Variants in EDA observed in about 807,000 individuals in gnomAD.
The protein encoded by EDA is ectodysplasin-A.
A neutral mutation model predicts 23.6 loss-of-function variants in EDA; 2 were observed. The ratio of observed to expected loss-of-function variants is 0.08; its 90% CI spans 0.03 to 0.27. The LOEUF is 0.27. Ranked by LOEUF, EDA falls within the 10% of genes least tolerant of loss-of-function variation. The pLI, the probability that EDA is intolerant of heterozygous loss-of-function variation, is 1.00. For missense variants in EDA, 229 were observed against 324.2 expected (o/e 0.71, Z 2.26); for synonymous variants, 131 against 132.0 (o/e 0.99, Z 0.05).
intron 1 of EDA, among the ~76,000 whole-genome samples, chrX:69,886,474 C>T (rs1289098320): frequency 9.0e-6 from 1 of 111,224 alleles, no homozygotes; most frequent in African/African-American, 3.3e-5. Context: ...GCTTGTAGGC[C>T]CTAAAACAGC....
chrX:69,963,405 G>A (rs932721705), intron 2 of EDA, among the ~76,000 whole-genome samples: 2 of 111,373 alleles, frequency 1.8e-5, no homozygotes, highest in African/African-American at 6.5e-5. Flanking sequence ...AGAGTTTCAG[G>A]GGCTTGTTCA....
chrX:69,649,253 A>G (rs1197880801), intron 1 of EDA, among the ~76,000 whole-genome samples: 2 of 112,156 alleles, frequency 1.8e-5, no homozygotes. Context: ...TAGCTAATGC[A>G]TATTAGGTAG....
intron 2 of EDA, among the ~76,000 whole-genome samples, chrX:69,998,949 TG>T (rs2019700487): frequency 9.0e-6 from 1 of 111,317 alleles, no homozygotes; most frequent in African/African-American, 3.3e-5. Flanking sequence ...TTATCAACAG[TG>T]TAAAAACAGA....
intron 1 of EDA, among the ~76,000 whole-genome samples, chrX:69,786,096 A>G (rs1484686422): frequency 9.2e-6 from 1 of 109,057 alleles, no homozygotes; most frequent in Non-Finnish European, 1.9e-5. Flanking sequence ...TGTTTATAGT[A>G]TTCTCTGATG....
At chrX:69,654,911 A>G (rs1933251481) in intron 1 of EDA, among the ~76,000 whole-genome samples, 1 of 109,586 alleles carries the variant, frequency 9.1e-6, no homozygotes, top group African/African-American at 3.3e-5. Context: ...ACAAACCTGC[A>G]CATTGTGCAC....
At chrX:69,634,289 T>C (rs1286972851) in intron 1 of EDA, among the ~76,000 whole-genome samples, 1 of 111,556 alleles carries the variant, frequency 9.0e-6, no homozygotes, top group African/African-American at 3.3e-5. Flanking sequence ...AAATATTTTC[T>C]CCCATTCTAT....
At chrX:69,922,267 T>C (rs920901538) in intron 1 of EDA, among the ~76,000 whole-genome samples, 1 of 112,197 alleles carries the variant, frequency 8.9e-6, no homozygotes, top group Non-Finnish European at 1.9e-5. Context: ...CTATAAACAT[T>C]TGTGTGCAGA....
In EDA at chrX:70,038,532, T is replaced by C. The variant is rs960595797; in HGVS notation, c.*2923T>C. The C allele has an allele frequency of 9.0e-6, 1 of 110,863 alleles. No individual in the cohort carries two copies. Among genetic ancestry groups the C allele is most frequent in the African/African-American group, 3.3e-5 (1 of 30,348 alleles). The allele number at this position is 110,863 out of a possible 1,213,427, so 9.1% of individuals were successfully genotyped here. ...GAAGGAGAATGGCATGGCAGGAGTC[T>C]CTGCCAGTTACTTGGGCTTCAACAG... On this transcript the variant is annotated 3_prime_UTR_variant, in exon 8 of 8. Transcript: ENST00000374552.
At chrX:69,711,238 C>T (rs1360642601) in intron 1 of EDA, among the ~76,000 whole-genome samples, 1 of 111,222 alleles carries the variant, frequency 9.0e-6, no homozygotes, top group East Asian at 2.8e-4. Flanking sequence ...TTTTCTGCAT[C>T]CATTGAGATA....
intron 1 of EDA, among the ~76,000 whole-genome samples, chrX:69,724,765 C>T (rs1425403320): frequency 4.5e-5 from 5 of 112,063 alleles, no homozygotes; most frequent in Admixed American, 3.8e-4. Flanking sequence ...TATTCAGTCA[C>T]GCAAGTAACT....
intron 1 of EDA, among the ~76,000 whole-genome samples, chrX:69,644,820 T>G (rs1228493526): frequency 9.0e-6 from 1 of 111,577 alleles, no homozygotes; most frequent in Non-Finnish European, 1.9e-5. Context: ...GATTTTAACG[T>G]GAAGGGATGT....
chrX:69,847,034 T>C (rs1050921510), intron 1 of EDA, among the ~76,000 whole-genome samples: 1 of 111,819 alleles, frequency 8.9e-6, no homozygotes, highest in African/African-American at 3.3e-5. Flanking sequence ...ATTGGGTACT[T>C]TTTGACCAGT....
At chrX:70,003,802 G>A (rs1387976375) in intron 2 of EDA, among the ~76,000 whole-genome samples, 2 of 112,112 alleles carry the variant, frequency 1.8e-5, no homozygotes, top group African/African-American at 3.2e-5. Flanking sequence ...CTTCAATGAA[G>A]AAATCTGTTT....
At chrX:69,812,266 T>G (rs1405386856) in intron 1 of EDA, among the ~76,000 whole-genome samples, 1 of 112,353 alleles carries the variant, frequency 8.9e-6, no homozygotes, top group Non-Finnish European at 1.9e-5. Context: ...TCTTCCACTA[T>G]GTAATTCTAT....
At chrX:69,672,395 G>T (rs966306794) in intron 1 of EDA, 1 of 112,082 alleles carries the variant, frequency 8.9e-6, no homozygotes, top group Non-Finnish European at 1.9e-5. Flanking sequence ...TAAGAGGCAA[G>T]GTCATTTTCT....
intron 1 of EDA, among the ~76,000 whole-genome samples, chrX:69,761,954 T>G (rs1225853501): frequency 2.7e-5 from 3 of 111,311 alleles, no homozygotes; most frequent in Non-Finnish European, 5.7e-5. Context: ...CTAACCCTTA[T>G]TTATGTTTTT....
intron 1 of EDA, among the ~76,000 whole-genome samples, chrX:69,618,072 G>T (rs376397427): frequency 1.8e-5 from 2 of 111,710 alleles, no homozygotes; most frequent in Non-Finnish European, 3.8e-5. Context: ...GTAGCTAAAC[G>T]ATAATTAACT....
At chrX:69,929,706 TTGTGTGTGTGTGTGTGTG>T (rs4007701) in intron 1 of EDA, among the ~76,000 whole-genome samples, 2 of 84,331 alleles carry the variant, frequency 2.4e-5, no homozygotes, top group African/African-American at 4.5e-5. Flanking sequence ...CATTCTATTT[TTGTGTGTGTGTGTGTGTG>T]TGTGTGTGTG....
At chrX:69,799,483 C>T (rs908970641) in intron 1 of EDA, among the ~76,000 whole-genome samples, 2 of 110,350 alleles carry the variant, frequency 1.8e-5, no homozygotes, top group Non-Finnish European at 3.8e-5. Context: ...AACCAGAATA[C>T]ATAAGGAGCT....
Sources: gnomAD v4.1 joint callset for allele counts (sites outside exome capture counted in the v4.1 genomes callset) on GRCh38, gnomAD v4.1.1 for gene constraint, MANE v1.5 for transcripts, NCBI Gene and HGNC (gene_info 2026-07-23, HGNC 2026-07-21) for gene names.